NALF1: variants seen among roughly 807,000 people sequenced by gnomAD.
NALF1 encodes the protein NALCN channel auxiliary factor 1, also known as family with sequence similarity 155 member A.
NALF1 carries 3 observed loss-of-function variants against 48.4 expected under a neutral mutation model. The ratio of observed to expected loss-of-function variants is 0.06; its 90% CI spans 0.03 to 0.16. The LOEUF (loss-of-function observed/expected upper bound fraction) is 0.16. Among genes scored for constraint, NALF1 ranks in the 10% least tolerant of loss-of-function variants. The pLI is 1.00. For synonymous variants in NALF1, 262 were observed against 245.7 expected (o/e 1.07, Z -0.62); for missense variants, 526 against 571.5 (o/e 0.92, Z 0.81).
Position 107,832,717 on chromosome 13 carries a change from AC to A in NALF1, c.915+32964del, listed in dbSNP as rs143364257. On this transcript the variant is annotated intron_variant, in intron 1 of 2. Transcript: ENST00000375915. ...CAGAAGCCTTTGTCCTCTTCCTTCA[AC>A]CCTTACAGGCCCCATCTGGTGTGGC... is the stretch of plus-strand genomic sequence containing the variant. Among the ~76,000 whole-genome samples, 508 of 152,026 alleles carry A rather than the reference AC, an allele frequency of 3.3e-3. 5 individuals are homozygous for A. The highest frequency in any genetic ancestry group is 0.012 in the African/African-American group (483 of 41,450).
At chr13:107,604,323 A>T (rs1879008396) in intron 1 of NALF1, among the ~76,000 whole-genome samples, 1 of 152,228 alleles carries the variant, frequency 6.6e-6, no homozygotes, top group South Asian at 2.1e-4. Context: ...TCTTTTTTTT[A>T]AATCTACATT....
chr13:107,664,103 G>A (rs1880797975), intron 1 of NALF1, among the ~76,000 whole-genome samples: 1 of 152,096 alleles, frequency 6.6e-6, no homozygotes, highest in African/African-American at 2.4e-5. Context: ...AAAACCACCT[G>A]ACATTTTCTC....
intron 1 of NALF1, among the ~76,000 whole-genome samples, chr13:107,420,315 T>A (rs2139008213): frequency 6.6e-6 from 1 of 152,324 alleles, no homozygotes; most frequent in Non-Finnish European, 1.5e-5. Flanking sequence ...AGTATAAAAC[T>A]TCTCATACAT....
chr13:107,438,139 C>T lies in NALF1; in HGVS notation c.916-227384G>A, dbSNP rs1473280532. On this transcript the variant is annotated intron_variant, in intron 1 of 2. Transcript: ENST00000375915. ...ACCTTGAAATGTACACCTTATATTG[C>T]ATGACTTGATTATAAATGGAGAATT... Among the ~76,000 whole-genome samples, 7 of 152,234 alleles carry T rather than the reference C, an allele frequency of 4.6e-5. No homozygotes were observed. The East Asian group carries it at 1.4e-3, about 29-fold the overall frequency.
intron 1 of NALF1, among the ~76,000 whole-genome samples, chr13:107,861,911 G>A (rs1229953567): frequency 6.6e-6 from 1 of 152,166 alleles, no homozygotes; most frequent in Non-Finnish European, 1.5e-5. Context: ...GTTTGTGGGT[G>A]ATGCAAATGA....
At chr13:107,516,995 G>A (rs1284222977) in intron 1 of NALF1, among the ~76,000 whole-genome samples, 1 of 152,170 alleles carries the variant, frequency 6.6e-6, no homozygotes, top group African/African-American at 2.4e-5. Flanking sequence ...GTAGGATGGT[G>A]CCAGGCTATA....
chr13:107,354,936 C>A lies in NALF1; in HGVS notation c.916-144181G>T, dbSNP rs572955235. Among the ~76,000 whole-genome samples, 3 of 152,282 alleles carry A rather than the reference C, an allele frequency of 2.0e-5. No individual in the cohort carries two copies. The East Asian group carries it at 5.8e-4, about 30-fold the overall frequency. Reference sequence around the variant, plus strand: ...ACATGAGAATGAGAACGTGATCACCCACCCTGGCTGAGATCCCCAACCCTA... The same window carrying A: ...ACATGAGAATGAGAACGTGATCACCAACCCTGGCTGAGATCCCCAACCCTA... On this transcript the variant is annotated intron_variant, in intron 1 of 2. Coordinates refer to ENST00000375915, the MANE Select transcript of NALF1 (RefSeq NM_001080396.3).
At chr13:107,585,204 A>G (rs920243099) in intron 1 of NALF1, among the ~76,000 whole-genome samples, 5 of 152,182 alleles carry the variant, frequency 3.3e-5, no homozygotes, top group Admixed American at 2.6e-4. Flanking sequence ...TAAATCAAAT[A>G]AAGAATATCT....
chr13:107,473,498 A>G (rs764739976), intron 1 of NALF1, among the ~76,000 whole-genome samples: 2 of 152,184 alleles, frequency 1.3e-5, no homozygotes, highest in Non-Finnish European at 2.9e-5. Context: ...AGATACAGTT[A>G]TATTGTAATA....
At chr13:107,370,343 G>C (rs905548156) in intron 1 of NALF1, among the ~76,000 whole-genome samples, 27 of 152,274 alleles carry the variant, frequency 1.8e-4, no homozygotes, top group African/African-American at 6.5e-4. Flanking sequence ...AGATACTCAA[G>C]TTTCTGGAGT....
At chr13:107,829,445 C>G (rs2138625420) in intron 1 of NALF1, among the ~76,000 whole-genome samples, 1 of 152,150 alleles carries the variant, frequency 6.6e-6, no homozygotes, top group East Asian at 1.9e-4. Flanking sequence ...TAAATATACT[C>G]CCACAATAGA....
In NALF1 at chr13:107,479,981, C is replaced by T. The variant is rs527410301; in HGVS notation, c.916-269226G>A. 9.5e-4 allele frequency among the ~76,000 whole-genome samples: 144 copies of T among 151,794 alleles called. 1 individual carries two copies. Among genetic ancestry groups the T allele is most frequent in the African/African-American group, 2.8e-3 (116 of 41,398 alleles). On this transcript the variant is annotated intron_variant, in intron 1 of 2. Transcript: ENST00000375915. ...AATACCAAGAAGGAGATTGACACTA[C>T]GAAGATGGGTCATTTAAGTAATTTC...
At chr13:107,446,713 A>C (rs981812481) in intron 1 of NALF1, among the ~76,000 whole-genome samples, 2 of 152,186 alleles carry the variant, frequency 1.3e-5, no homozygotes, top group Non-Finnish European at 2.9e-5. Flanking sequence ...TTTGATATAA[A>C]GACATCTCTG....
At chr13:107,244,665 C>G (rs1274062520) in intron 1 of NALF1, among the ~76,000 whole-genome samples, 2 of 152,140 alleles carry the variant, frequency 1.3e-5, no homozygotes, top group African/African-American at 4.8e-5. Context: ...CAAACAAATT[C>G]TTCATCGATG....
At chr13:107,549,914 GTTCAT>G (rs1877243347) in intron 1 of NALF1, among the ~76,000 whole-genome samples, 1 of 150,708 alleles carries the variant, frequency 6.6e-6, no homozygotes, top group Non-Finnish European at 1.5e-5. Context: ...CAACTATTCT[GTTCAT>G]TTGGTCTAGA....
chr13:107,716,561 A>G (rs76886277), intron 1 of NALF1, among the ~76,000 whole-genome samples: 1,677 of 152,318 alleles, frequency 0.011, 25 homozygotes, highest in African/African-American at 0.037. Context: ...CTGTCCATGT[A>G]GGCAGGTGAC....
At chr13:107,245,804 G>T (rs1252204916) in intron 1 of NALF1, among the ~76,000 whole-genome samples, 1 of 152,012 alleles carries the variant, frequency 6.6e-6, no homozygotes, top group Non-Finnish European at 1.5e-5. Flanking sequence ...CATTGAAAGA[G>T]ATTTGTCACT....
At chr13:107,509,342 T>C (rs1875805561) in intron 1 of NALF1, among the ~76,000 whole-genome samples, 1 of 152,204 alleles carries the variant, frequency 6.6e-6, no homozygotes, top group African/African-American at 2.4e-5. Context: ...CCAGGAAATT[T>C]AAATATTAAT....
intron 1 of NALF1, among the ~76,000 whole-genome samples, chr13:107,785,218 C>T (rs1008929193): frequency 2.6e-5 from 4 of 151,736 alleles, no homozygotes; most frequent in African/African-American, 9.7e-5. Flanking sequence ...CCTCCTCTAC[C>T]CAGTACACTT....
Sources: gnomAD v4.1 joint callset for allele counts (sites outside exome capture counted in the v4.1 genomes callset) on GRCh38, gnomAD v4.1.1 for gene constraint, MANE v1.5 for transcripts, NCBI Gene and HGNC (gene_info 2026-07-23, HGNC 2026-07-21) for gene names.